PCDH15: variants seen among roughly 807,000 people sequenced by gnomAD.
PCDH15 encodes protocadherin related 15.
Under a neutral mutation model 178.5 loss-of-function variants are expected in PCDH15, and 129 were observed. That is an observed-to-expected ratio of 0.72 (90% CI 0.63 to 0.84). The LOEUF is 0.84. Among genes scored for constraint, PCDH15 ranks in the 40% least tolerant of loss-of-function variants. PCDH15 has a pLI of 0.00. For missense variants in PCDH15, 2,230 were observed against 2,099.9 expected, an observed-to-expected ratio of 1.06 and a Z score of -1.21; for synonymous variants, 800 against 732.0, an observed-to-expected ratio of 1.09 and a Z score of -1.50.
intron 3 of PCDH15, among the ~76,000 whole-genome samples, chr10:54,414,798 C>T (rs1234440000): frequency 1.3e-5 from 2 of 152,110 alleles, no homozygotes; most frequent in South Asian, 2.1e-4. Flanking sequence ...AGTAGTAGAG[C>T]CAGGTTGTCT....
intron 1 of PCDH15, among the ~76,000 whole-genome samples, chr10:55,272,179 T>A (rs1457702929): frequency 6.6e-6 from 1 of 151,858 alleles, no homozygotes; most frequent in East Asian, 1.9e-4. Flanking sequence ...CTAAATGAAA[T>A]AATGTTTTGA....
At chr10:55,239,805 G>A (rs1402326657) in intron 1 of PCDH15, among the ~76,000 whole-genome samples, 1 of 151,838 alleles carries the variant, frequency 6.6e-6, no homozygotes, top group Non-Finnish European at 1.5e-5. Flanking sequence ...AGATTAATAA[G>A]CAGACTATAT....
chr10:54,499,957 G>A (rs911778428), intron 3 of PCDH15, among the ~76,000 whole-genome samples: 1 of 152,048 alleles, frequency 6.6e-6, no homozygotes, highest in Non-Finnish European at 1.5e-5. Context: ...TACACACAAA[G>A]CAACATAAAT....
chr10:55,366,243 TG>T (rs1266948957), intron 2 of PCDH15: 1 of 152,128 alleles, frequency 6.6e-6, no homozygotes, highest in African/African-American at 2.4e-5. Flanking sequence ...TTTGTTTAGT[TG>T]GTTGCTTTGG....
At chr10:53,862,197 GC>G (rs2079149785) in intron 27 of PCDH15, among the ~76,000 whole-genome samples, 1 of 151,844 alleles carries the variant, frequency 6.6e-6, no homozygotes, top group Admixed American at 6.6e-5. Flanking sequence ...GATTACAGGT[GC>G]CCATCACCAC....
chr10:53,912,768 A>G (rs564083864), intron 25 of PCDH15, among the ~76,000 whole-genome samples: 1 of 152,286 alleles, frequency 6.6e-6, no homozygotes, highest in African/African-American at 2.4e-5. Context: ...AGAACTACAA[A>G]CCACTGCTCA....
intron 18 of PCDH15, among the ~76,000 whole-genome samples, chr10:54,064,168 A>C (rs1159152304): frequency 3.9e-5 from 6 of 152,124 alleles, no homozygotes; most frequent in African/African-American, 1.4e-4. Context: ...TATCCCCATA[A>C]GTGTCCAGCT....
intron 3 of PCDH15, among the ~76,000 whole-genome samples, chr10:54,401,829 T>C (rs115266912): frequency 0.018 from 2,685 of 151,846 alleles, 78 homozygotes; most frequent in African/African-American, 0.059. Flanking sequence ...TACCAGCATA[T>C]AAAGAAGAAC....
At chr10:53,979,843 C>T (rs895695202) in intron 21 of PCDH15, among the ~76,000 whole-genome samples, 2 of 152,166 alleles carry the variant, frequency 1.3e-5, no homozygotes, top group Non-Finnish European at 2.9e-5. Context: ...TCACAAAATA[C>T]ACAAAATGTA....
At chr10:53,860,920 C>T (rs1420326847) in intron 27 of PCDH15, among the ~76,000 whole-genome samples, 1 of 151,778 alleles carries the variant, frequency 6.6e-6, no homozygotes, top group Non-Finnish European at 1.5e-5. Flanking sequence ...ACATTTAATT[C>T]TGATAAATTA....
intron 5 of PCDH15, among the ~76,000 whole-genome samples, chr10:54,358,903 T>C (rs961259157): frequency 4.0e-5 from 6 of 150,724 alleles, no homozygotes; most frequent in Admixed American, 1.3e-4. Context: ...CAGTAAACTA[T>C]TGCAAGAACA....
intron 13 of PCDH15, among the ~76,000 whole-genome samples, chr10:54,162,132 G>T (rs2045775801): frequency 1.3e-5 from 2 of 152,040 alleles, no homozygotes; most frequent in Admixed American, 1.3e-4. Flanking sequence ...ATTATAGAAT[G>T]CCCTTCAGGC....
In PCDH15 at chr10:54,059,064, T is replaced by C. The variant is rs75672608; in HGVS notation, c.2220+7693A>G. On this transcript the variant is annotated intron_variant, in intron 18 of 37. Transcript: ENST00000644397. ...CAGCCCCATCCTCCACCACCACCAC[T>C]CTTCTCAGCCTCTGGTATCTATCAG... Among the ~76,000 whole-genome samples, 1,475 of 152,208 alleles carry C rather than the reference T, an allele frequency of 9.7e-3. 26 individuals carry two copies. The highest frequency in any genetic ancestry group is 0.034 in the African/African-American group (1,405 of 41,524).
intron 27 of PCDH15, among the ~76,000 whole-genome samples, chr10:53,862,209 AC>A (rs1183349627): frequency 6.6e-6 from 1 of 151,864 alleles, no homozygotes; most frequent in Admixed American, 6.6e-5. Context: ...CCATCACCAC[AC>A]CTGGCTAATT....
At chr10:54,103,595 G>T (rs2094852754) in intron 15 of PCDH15, among the ~76,000 whole-genome samples, 1 of 152,106 alleles carries the variant, frequency 6.6e-6, no homozygotes. Flanking sequence ...GGGATGAGTA[G>T]GTCTAAAGTG....
At chr10:54,326,769 A>T (rs1199649561) in intron 7 of PCDH15, among the ~76,000 whole-genome samples, 1 of 152,080 alleles carries the variant, frequency 6.6e-6, no homozygotes, top group Non-Finnish European at 1.5e-5. Flanking sequence ...ATAAACAAAA[A>T]CGGAGTATTG....
At chr10:54,491,841 C>T (rs530239906) in intron 3 of PCDH15, among the ~76,000 whole-genome samples, 14 of 152,182 alleles carry the variant, frequency 9.2e-5, no homozygotes, top group African/African-American at 3.4e-4. Flanking sequence ...TCCCTATTTG[C>T]TCATTACTGA....
intron 2 of PCDH15, among the ~76,000 whole-genome samples, chr10:55,336,438 C>T (rs1844398751): frequency 6.6e-6 from 1 of 152,114 alleles, no homozygotes; most frequent in South Asian, 2.1e-4. Flanking sequence ...GCAGAGGTTG[C>T]AGTGAGCCAA....
At chr10:54,697,974 T>C (rs923619283) in intron 1 of PCDH15, among the ~76,000 whole-genome samples, 2 of 64,834 alleles carry the variant, frequency 3.1e-5, no homozygotes, top group Non-Finnish European at 1.0e-4. Flanking sequence ...GTAGAGAGAC[T>C]CCTAAATCAA....
Sources: gnomAD v4.1 joint callset for allele counts (sites outside exome capture counted in the v4.1 genomes callset) on GRCh38, gnomAD v4.1.1 for gene constraint, MANE v1.5 for transcripts, NCBI Gene and HGNC (gene_info 2026-07-23, HGNC 2026-07-21) for gene names.